NKAIN3: variants seen among roughly 807,000 people sequenced by gnomAD.
NKAIN3 encodes sodium/potassium transporting ATPase interacting 3, also known as sodium/potassium-transporting ATPase subunit beta-1-interacting protein 3.
A neutral mutation model predicts 30.2 loss-of-function variants in NKAIN3; 25 were observed. The observed-to-expected ratio is 0.83, with a 90% CI of 0.60 to 1.16. The LOEUF (loss-of-function observed/expected upper bound fraction) is 1.16. NKAIN3 is among the 50% of genes most tolerant of loss of function. NKAIN3 has a pLI of 0.00. For synonymous variants in NKAIN3, 91 were observed against 89.6 expected (o/e 1.02, Z -0.09); for missense variants, 225 against 254.1 (o/e 0.89, Z 0.78).
intron 4 of NKAIN3, among the ~76,000 whole-genome samples, chr8:62,877,535 A>G (rs868650353): frequency 6.6e-6 from 1 of 152,292 alleles, no homozygotes; most frequent in East Asian, 1.9e-4. Flanking sequence ...GAAACCTCCT[A>G]TGGTTTGACA....
rs1212569171 is a variant in NKAIN3, at chr8:62,975,064, A to G, written c.*9657A>G. On this transcript the variant is annotated 3_prime_UTR_variant, in exon 7 of 7. Transcript: ENST00000623646. Reference sequence around the variant, plus strand: ...AATGTACTGCTGCATTTCTTTTGCCAGTGTTTCATTGGGGATTTTCACATA... The same window carrying G: ...AATGTACTGCTGCATTTCTTTTGCCGGTGTTTCATTGGGGATTTTCACATA... Among the ~76,000 whole-genome samples the G allele has an allele frequency of 6.6e-6, 1 of 152,166 alleles. No homozygotes were observed. The highest frequency in any genetic ancestry group is 1.9e-4 in the East Asian group (1 of 5,200).
intron 1 of NKAIN3, among the ~76,000 whole-genome samples, chr8:62,455,113 T>A (rs184274000): frequency 6.6e-6 from 1 of 152,076 alleles, no homozygotes. Flanking sequence ...AGAGAAGAGG[T>A]AGAGAAAATT....
intron 3 of NKAIN3, among the ~76,000 whole-genome samples, chr8:62,731,550 A>G (rs1390338559): frequency 5.9e-5 from 9 of 152,106 alleles, no homozygotes; most frequent in Admixed American, 5.9e-4. Context: ...GTGACCTCTC[A>G]TCAGCTCCTG....
intron 3 of NKAIN3, among the ~76,000 whole-genome samples, chr8:62,602,477 A>T (rs1811009368): frequency 6.6e-6 from 1 of 152,128 alleles, no homozygotes; most frequent in African/African-American, 2.4e-5. Flanking sequence ...ATTTCTTTGA[A>T]TAAACTGCTT....
At chr8:62,467,274 A>C (rs1409609589) in intron 1 of NKAIN3, among the ~76,000 whole-genome samples, 1 of 152,206 alleles carries the variant, frequency 6.6e-6, no homozygotes, top group Non-Finnish European at 1.5e-5. Context: ...TTTATTAAAA[A>C]CTGCATCACC....
chr8:62,294,789 C>G lies in NKAIN3; in HGVS notation c.54+45662C>G, dbSNP rs573553640. Among the ~76,000 whole-genome samples the G allele has an allele frequency of 1.3e-4, 20 of 152,236 alleles. 1 individual carries two copies. In the South Asian group the frequency reaches 4.2e-3, roughly 32 times the overall value. ...CCAACTGGTGGGCTCTAGCTATTCT[C>G]CCACCTCAGCCTCCCAAAGTACTGG... On this transcript the variant is annotated intron_variant, in intron 1 of 6. Transcript: ENST00000623646.
intron 3 of NKAIN3, among the ~76,000 whole-genome samples, chr8:62,611,203 A>G (rs573117296): frequency 2.6e-5 from 4 of 152,264 alleles, no homozygotes; most frequent in African/African-American, 9.6e-5. Flanking sequence ...TAGTAGCTGT[A>G]TATATTTATG....
rs1218286474 is a variant in NKAIN3 at position 62,984,043 on chromosome 8, C to T, written c.*18636C>T. ...TGCCTGGGTAACCATGATGTAATTGCAGATTGACACATCTTTGGGTTTTTC... is the reference window on the plus strand; with the variant it reads ...TGCCTGGGTAACCATGATGTAATTGTAGATTGACACATCTTTGGGTTTTTC... On this transcript the variant is annotated 3_prime_UTR_variant, in exon 7 of 7. Coordinates refer to ENST00000623646, the MANE Select transcript of NKAIN3 (RefSeq NM_001304533.3). 4 of 152,164 alleles carry T rather than the reference C, an allele frequency of 2.6e-5. No homozygotes were observed. The highest frequency in any genetic ancestry group is 5.9e-5 in the Non-Finnish European group (4 of 68,036). 9.4% of individuals were successfully genotyped at this position (152,164 alleles called of 1,614,324 possible).
chr8:62,491,482 A>G (rs1330338043), intron 1 of NKAIN3, among the ~76,000 whole-genome samples: 5 of 152,150 alleles, frequency 3.3e-5, no homozygotes, highest in Non-Finnish European at 7.3e-5. Context: ...GTCTTTTGAA[A>G]GACTTTGCTA....
intron 4 of NKAIN3, among the ~76,000 whole-genome samples, chr8:62,853,185 A>T (rs566085817): frequency 2.0e-5 from 3 of 152,148 alleles, no homozygotes; most frequent in Non-Finnish European, 4.4e-5. Context: ...TGCTTGTTGA[A>T]TTGATCCCTT....
chr8:62,539,828 C>G (rs1033958276), intron 1 of NKAIN3, among the ~76,000 whole-genome samples: 5 of 152,152 alleles, frequency 3.3e-5, no homozygotes, highest in Non-Finnish European at 7.4e-5. Flanking sequence ...GATCTTCCCA[C>G]CTCAGCATCT....
intron 1 of NKAIN3, among the ~76,000 whole-genome samples, chr8:62,392,086 C>G (rs1286161071): frequency 6.6e-6 from 1 of 151,824 alleles, no homozygotes; most frequent in African/African-American, 2.4e-5. Flanking sequence ...GTAGAAGAAA[C>G]AAAATTGACA....
chr8:62,494,021 C>T (rs1354669376), intron 1 of NKAIN3, among the ~76,000 whole-genome samples: 2 of 152,106 alleles, frequency 1.3e-5, no homozygotes, highest in Non-Finnish European at 2.9e-5. Flanking sequence ...TTATTTCTTT[C>T]TCTTGCCTGA....
intron 3 of NKAIN3, among the ~76,000 whole-genome samples, chr8:62,613,150 A>G (rs1264232200): frequency 2.6e-5 from 4 of 152,040 alleles, no homozygotes; most frequent in African/African-American, 9.7e-5. Context: ...TTGCTCATTA[A>G]TGTTCTTTTC....
chr8:62,295,945 A>C (rs1247362024), intron 1 of NKAIN3, among the ~76,000 whole-genome samples: 4 of 152,196 alleles, frequency 2.6e-5, no homozygotes, highest in Non-Finnish European at 5.9e-5. Flanking sequence ...ACCTTAGTGT[A>C]AATGTTCTGC....
chr8:62,260,629 T>C (rs1812407758), intron 1 of NKAIN3, among the ~76,000 whole-genome samples: 1 of 152,094 alleles, frequency 6.6e-6, no homozygotes, highest in African/African-American at 2.4e-5. Context: ...TTCATTTGCT[T>C]TATATCTGGA....
chr8:62,340,957 A>G (rs1194681922), intron 1 of NKAIN3, among the ~76,000 whole-genome samples: 1 of 152,038 alleles, frequency 6.6e-6, no homozygotes, highest in Non-Finnish European at 1.5e-5. Context: ...ACAAAACAAC[A>G]CCGATTAATA....
chr8:62,431,870 A>T (rs201346434), intron 1 of NKAIN3, among the ~76,000 whole-genome samples: 2 of 139,980 alleles, frequency 1.4e-5, no homozygotes, highest in Middle Eastern at 3.6e-3. Flanking sequence ...AAAGGAAAAA[A>T]AAAAAAAAAA....
chr8:62,579,172 C>A lies in NKAIN3; in HGVS notation c.55-367C>A, dbSNP rs1313843788. On this transcript the variant is annotated intron_variant, in intron 1 of 6. Coordinates refer to ENST00000623646, the MANE Select transcript of NKAIN3 (RefSeq NM_001304533.3). ...CACATGTACCCCATAAATATATATA[C>A]CTATGATGTACCCCTCATAATTAAA... Among the ~76,000 whole-genome samples the A allele has an allele frequency of 4.6e-5, 7 of 151,690 alleles. 1 individual carries two copies. Among genetic ancestry groups the A allele is most frequent in the Admixed American group, 4.6e-4 (7 of 15,188 alleles).
Sources: gnomAD v4.1 joint callset for allele counts (sites outside exome capture counted in the v4.1 genomes callset) on GRCh38, gnomAD v4.1.1 for gene constraint, MANE v1.5 for transcripts, NCBI Gene and HGNC (gene_info 2026-07-23, HGNC 2026-07-21) for gene names.